The following RRAGB variants were observed in gnomAD, a reference collection of about 807,000 sequenced individuals.
RRAGB encodes ras-related GTP-binding protein B.
In RRAGB, 6 loss-of-function variants were observed where a neutral mutation model predicts 29.3. The ratio of observed to expected loss-of-function variants is 0.21; its 90% CI spans 0.11 to 0.40. The LOEUF is 0.40. RRAGB is among the 10% of genes least tolerant of loss of function. RRAGB has a pLI of 1.00. For missense variants in RRAGB, 184 were observed against 272.9 expected, an observed-to-expected ratio of 0.67 and a Z score of 2.29; for synonymous variants, 101 against 92.5, an observed-to-expected ratio of 1.09 and a Z score of -0.53.
chrX:55,744,361 A>C (rs1223644931), intron 5 of RRAGB, among the ~76,000 whole-genome samples: 3 of 82,078 alleles, frequency 3.7e-5, no homozygotes, highest in Admixed American at 1.9e-4. Context: ...GCGCCACTGC[A>C]CTCCAGCTTG....
chrX:55,757,327 C>T lies in RRAGB; in HGVS notation c.939C>T (p.Ser313=). 1 of 1,125,321 alleles carries T rather than the reference C, an allele frequency of 8.9e-7. No homozygotes were observed. The highest frequency in any genetic ancestry group is 1.2e-6 in the Non-Finnish European group (1 of 826,164). 92.7% of individuals were successfully genotyped at this position (1,125,321 alleles called of 1,213,427 possible). Residue 313 remains serine (S), a synonymous_variant, in exon 9 of 10, where the codon TCC becomes TCT. Transcript: ENST00000374941. ...TGATGGTTGTGATGTCTGATCCGTCCATTCGTAAGTTTAAACTTAGCTGAC... is the reference window on the plus strand; with the variant it reads ...TGATGGTTGTGATGTCTGATCCGTCTATTCGTAAGTTTAAACTTAGCTGAC... The part of the protein sequence containing the change: ...TYVMVVMSDP[S]IPSAATLINI...
At chrX:55,740,747 G>A (rs2034037970) in intron 5 of RRAGB, among the ~76,000 whole-genome samples, 1 of 111,568 alleles carries the variant, frequency 9.0e-6, no homozygotes, top group Admixed American at 9.5e-5. Context: ...TTTTTGGTGC[G>A]TCTCGTTGAT....
At chrX:55,747,426 TA>T (rs1341149750) in intron 5 of RRAGB, among the ~76,000 whole-genome samples, 3 of 111,764 alleles carry the variant, frequency 2.7e-5, no homozygotes, top group Non-Finnish European at 5.6e-5. Context: ...TCTGCAGCTA[TA>T]GGGGGTAAGA....
At chrX:55,723,560 T>C (rs538607330) in intron 3 of RRAGB, among the ~76,000 whole-genome samples, 8 of 108,831 alleles carry the variant, frequency 7.4e-5, no homozygotes, top group South Asian at 4.1e-4. Context: ...TCACAAATCT[T>C]TTTTTTTTCT....
At chrX:55,725,433 T>A (rs1209693164) in intron 3 of RRAGB, among the ~76,000 whole-genome samples, 1 of 112,261 alleles carries the variant, frequency 8.9e-6, no homozygotes, top group Admixed American at 9.4e-5. Context: ...ATAGACAAGT[T>A]CAAAATGCAT....
chrX:55,727,440 A>C, intron 3 of RRAGB: 1 of 574,929 alleles, frequency 1.7e-6, no homozygotes. Context: ...GGGAGAAGGG[A>C]AGTAGTTTGA....
At chrX:55,721,863 TTA>T (rs1286328549) in intron 2 of RRAGB, among the ~76,000 whole-genome samples, 1 of 112,419 alleles carries the variant, frequency 8.9e-6, no homozygotes, top group Non-Finnish European at 1.9e-5. Context: ...AGAACAGGGT[TTA>T]GTTTCCTCTA....
Position 55,758,600 on chromosome X carries a change from A to G in RRAGB, c.*257A>G, listed in dbSNP as rs897760973. 8.6e-6 allele frequency: 2 copies of G among 232,048 alleles called. No homozygotes were observed. The highest frequency in any genetic ancestry group is 1.6e-5 in the Non-Finnish European group (2 of 128,323). 19.1% of individuals were successfully genotyped at this position (232,048 alleles called of 1,213,427 possible). A position where few individuals can be genotyped will look rare whatever the true frequency, so the allele number is the denominator to read the frequency against. ...TGATAACAAGGTTCTAATAGTGTTT[A>G]AATGTACTGGTAACCTGGTTCCAAT... On this transcript the variant is annotated 3_prime_UTR_variant, in exon 10 of 10. Coordinates refer to ENST00000374941, the MANE Select transcript of RRAGB (RefSeq NM_006064.5).
In RRAGB at chrX:55,731,563, G is replaced by T; in HGVS notation, c.493G>T (p.Val165Leu). The T allele has an allele frequency of 8.3e-7, 1 of 1,198,240 alleles. No individual in the cohort carries two copies. Among genetic ancestry groups the T allele is most frequent in the Non-Finnish European group, 1.1e-6 (1 of 886,227 alleles). ...TTGCTTGGTACACAAAATGGATCTG[G>T]TACAGGAGGATCAACGGGACCTGGT... is the stretch of plus-strand genomic sequence containing the variant. ...IFCLVHKMDL[V>L]QEDQRDLIFK... Residue 165 changes from valine (V) to leucine (L), a missense_variant, in exon 5 of 10, where the codon GTA becomes TTA. Physicochemically the swap from Val to Leu is conservative, Grantham distance 32 (BLOSUM62 1). Transcript: ENST00000374941.
chrX:55,750,369 C>A (rs745334728), intron 5 of RRAGB, among the ~76,000 whole-genome samples: 1 of 110,618 alleles, frequency 9.0e-6, no homozygotes, highest in Admixed American at 9.6e-5. Flanking sequence ...TTTTGTGGTT[C>A]GGGTCAGAAA....
At chrX:55,728,297 GCTGCTCA>G (rs2033552545) in intron 3 of RRAGB, among the ~76,000 whole-genome samples, 1 of 112,058 alleles carries the variant, frequency 8.9e-6, no homozygotes, top group Non-Finnish European at 1.9e-5. Context: ...CTGAGTAACT[GCTGCTCA>G]CTCTACTATC....
At chrX:55,743,911 AACTTTCTTTCTGTAAAGAAAGTTACC>A (rs754592379) in intron 5 of RRAGB, among the ~76,000 whole-genome samples, 1 of 111,745 alleles carries the variant, frequency 8.9e-6, no homozygotes, top group Non-Finnish European at 1.9e-5. Context: ...GCTGTCCCAT[AACTTTCTTTCTGTAAAGAAAGTTACC>A]ACTTTCTTAC....
intron 6 of RRAGB, 110 bp from the exon 7 acceptor site, chrX:55,753,282 T>C: frequency 1.7e-6 from 1 of 581,190 alleles, no homozygotes; most frequent in Non-Finnish European, 2.6e-6. Context: ...TGTTTGGGAC[T>C]GGATTATCAT....
At chrX:55,740,215 C>A (rs772875457) in intron 5 of RRAGB, among the ~76,000 whole-genome samples, 1 of 110,460 alleles carries the variant, frequency 9.1e-6, no homozygotes, top group African/African-American at 3.3e-5. Flanking sequence ...CCCAGCTACT[C>A]GGGAGGCTGA....
At chrX:55,734,376 T>C (rs752845732) in intron 5 of RRAGB, among the ~76,000 whole-genome samples, 2 of 110,449 alleles carry the variant, frequency 1.8e-5, no homozygotes, top group South Asian at 7.8e-4. Context: ...TTCCAAGAAT[T>C]TATCCATTTC....
chrX:55,734,996 G>T (rs1354483947), intron 5 of RRAGB, among the ~76,000 whole-genome samples: 1 of 112,129 alleles, frequency 8.9e-6, no homozygotes, highest in African/African-American at 3.2e-5. Flanking sequence ...TACTTGATAT[G>T]ATTTTGATTT....
chrX:55,750,184 A>ATGTGTG (rs141091954), intron 5 of RRAGB, among the ~76,000 whole-genome samples: 20 of 93,978 alleles, frequency 2.1e-4, no homozygotes, highest in African/African-American at 7.1e-4. Flanking sequence ...ATACATACGT[A>ATGTGTG]TGTGTGTGTG....
In RRAGB at chrX:55,751,065, T is replaced by C. The variant is rs1341551865; in HGVS notation, c.517-36T>C. 4 of 821,686 alleles carry C rather than the reference T, an allele frequency of 4.9e-6. No homozygotes were observed. In the South Asian group the frequency reaches 8.8e-5, roughly 18 times the overall value. The allele number at this position is 821,686 out of a possible 1,213,427, so 67.7% of individuals were successfully genotyped here. A position where few individuals can be genotyped will look rare whatever the true frequency, so the allele number is the denominator to read the frequency against. ...TCTTAGCTTGAAAGATGGGAACTAT[T>C]ATATGCTGATCAGTATGTTGGGCTT... On this transcript the variant is annotated intron_variant, in intron 5 of 9. Coordinates refer to ENST00000374941, the MANE Select transcript of RRAGB (RefSeq NM_006064.5).
intron 7 of RRAGB, chrX:55,755,623 T>G (rs1353931644): frequency 5.3e-6 from 4 of 748,777 alleles, no homozygotes; most frequent in Non-Finnish European, 6.3e-6. Flanking sequence ...AATGATTTAA[T>G]TATAACCAAA....
Sources: gnomAD v4.1 joint callset for allele counts (sites outside exome capture counted in the v4.1 genomes callset) on GRCh38, gnomAD v4.1.1 for gene constraint, MANE v1.5 for transcripts, NCBI Gene and HGNC (gene_info 2026-07-23, HGNC 2026-07-21) for gene names.